Variants in GPM6A observed in about 807,000 individuals in gnomAD.
The protein encoded by GPM6A is neuronal membrane glycoprotein M6-a.
In GPM6A, 7 loss-of-function variants were observed where a neutral mutation model predicts 32.1. The ratio of observed to expected loss-of-function variants is 0.22; its 90% CI spans 0.12 to 0.41. The LOEUF (loss-of-function observed/expected upper bound fraction) is 0.41, where lower values mean the gene tolerates loss of function less well. Among genes scored for constraint, GPM6A ranks in the 10% least tolerant of loss-of-function variants. The pLI is 1.00. For synonymous variants in GPM6A, 130 were observed against 123.4 expected (o/e 1.05, Z -0.35); for missense variants, 235 against 347.2 (o/e 0.68, Z 2.57).
chr4:175,923,906 C>A (rs1738749959), intron 1 of GPM6A, among the ~76,000 whole-genome samples: 1 of 152,152 alleles, frequency 6.6e-6, no homozygotes, highest in Admixed American at 6.5e-5. Context: ...CCTCAGCCAT[C>A]TTGATATCAT....
At chr4:175,734,426 A>C (rs1416179785) in intron 1 of GPM6A, among the ~76,000 whole-genome samples, 1 of 152,138 alleles carries the variant, frequency 6.6e-6, no homozygotes, top group Non-Finnish European at 1.5e-5. Flanking sequence ...GATTGGCCAC[A>C]ATGAGTAGTG....
intron 1 of GPM6A, among the ~76,000 whole-genome samples, chr4:175,977,554 A>C (rs1171904357): frequency 6.6e-6 from 1 of 152,228 alleles, no homozygotes; most frequent in African/African-American, 2.4e-5. Flanking sequence ...AAATAGTAAT[A>C]CATTATTTGA....
intron 1 of GPM6A, among the ~76,000 whole-genome samples, chr4:175,931,705 CACACAT>C (rs999998093): frequency 1.8e-4 from 25 of 139,244 alleles, no homozygotes; most frequent in African/African-American, 5.4e-4. Context: ...CACACACACA[CACACAT>C]ATATATATAT....
At position 175,979,384 on chromosome 4, in the gene GPM6A, C is replaced by T. The variant is rs118073506; in HGVS notation, c.-23+22925G>A. ...TTATTCCGTTCTTAAGTTCAGCAGC[C>T]TATTACTAAAGCAGAGTCAAAAGTA... On this transcript the variant is annotated intron_variant, in intron 1 of 7. Coordinates refer to the GPM6A transcript ENST00000280187. Among the ~76,000 whole-genome samples, 51 of 152,268 alleles carry T rather than the reference C, an allele frequency of 3.3e-4. No homozygotes were observed. In the East Asian group the frequency reaches 9.4e-3, roughly 28 times the overall value.
intron 1 of GPM6A, among the ~76,000 whole-genome samples, chr4:175,914,738 G>C (rs1738434652): frequency 6.9e-6 from 1 of 145,022 alleles, no homozygotes. Flanking sequence ...TTGTCAGAGC[G>C]AGGGGGGGCC....
intron 1 of GPM6A, among the ~76,000 whole-genome samples, chr4:175,938,579 C>A (rs886142723): frequency 1.3e-5 from 2 of 152,048 alleles, no homozygotes; most frequent in African/African-American, 4.8e-5. Flanking sequence ...ATATCCTTCA[C>A]CCACTTTTTG....
chr4:175,707,895 T>C (rs1310872560), intron 1 of GPM6A, among the ~76,000 whole-genome samples: 1 of 152,212 alleles, frequency 6.6e-6, no homozygotes, highest in African/African-American at 2.4e-5. Context: ...TTTTTTTTCT[T>C]CTTTTTATCT....
intron 1 of GPM6A, among the ~76,000 whole-genome samples, chr4:175,947,246 T>G (rs1185695721): frequency 6.6e-6 from 1 of 151,986 alleles, no homozygotes; most frequent in East Asian, 1.9e-4. Context: ...CGTTTTTCAA[T>G]TCTTATGTGT....
intron 1 of GPM6A, among the ~76,000 whole-genome samples, chr4:175,980,921 G>A (rs572903000): frequency 7.4e-4 from 112 of 152,126 alleles, no homozygotes; most frequent in South Asian, 2.1e-4. Context: ...ATGCATAATC[G>A]TTGGCTAAAT....
intron 1 of GPM6A, among the ~76,000 whole-genome samples, chr4:175,775,903 A>T (rs62336048): frequency 0.12 from 18,736 of 152,156 alleles, 1,175 homozygotes; most frequent in Non-Finnish European, 0.14. Flanking sequence ...AAAGCACAAA[A>T]GGGGAGGTTA....
chr4:175,766,986 C>A (rs1732997573), intron 1 of GPM6A, among the ~76,000 whole-genome samples: 1 of 152,040 alleles, frequency 6.6e-6, no homozygotes, highest in African/African-American at 2.4e-5. Context: ...AGTTTCCCCT[C>A]TAATCATAAA....
At chr4:175,942,880 T>A (rs920489572) in intron 1 of GPM6A, among the ~76,000 whole-genome samples, 2 of 152,292 alleles carry the variant, frequency 1.3e-5, no homozygotes, top group Admixed American at 1.3e-4. Flanking sequence ...TTGTACTATA[T>A]GAAATTTAAA....
intron 1 of GPM6A, among the ~76,000 whole-genome samples, chr4:175,958,359 G>A (rs1160517396): frequency 6.6e-6 from 1 of 152,184 alleles, no homozygotes; most frequent in Non-Finnish European, 1.5e-5. Flanking sequence ...GGAAACCACT[G>A]TTGATTCAGA....
intron 1 of GPM6A, among the ~76,000 whole-genome samples, chr4:175,921,366 G>A (rs1210347278): frequency 1.3e-5 from 2 of 151,940 alleles, no homozygotes; most frequent in African/African-American, 2.4e-5. Flanking sequence ...CACTCTGTAT[G>A]CACTTTTTCC....
chr4:175,684,850 T>C (rs532815465), intron 2 of GPM6A, among the ~76,000 whole-genome samples: 2 of 151,534 alleles, frequency 1.3e-5, no homozygotes, highest in Admixed American at 1.3e-4. Context: ...TCTTAACTAT[T>C]TGTGTGTGTG....
chr4:175,938,402 G>T (rs541924104), intron 1 of GPM6A, among the ~76,000 whole-genome samples: 30 of 152,176 alleles, frequency 2.0e-4, no homozygotes, highest in Non-Finnish European at 3.2e-4. Context: ...CTCCACAGCC[G>T]CGCCAGCATC....
intron 1 of GPM6A, among the ~76,000 whole-genome samples, chr4:175,977,002 T>C (rs1347947452): frequency 3.3e-5 from 5 of 152,230 alleles, no homozygotes; most frequent in African/African-American, 1.2e-4. Flanking sequence ...ACTATCCAGA[T>C]CTTTAAAATT....
intron 1 of GPM6A, among the ~76,000 whole-genome samples, chr4:175,728,556 T>C (rs1232894969): frequency 6.6e-6 from 1 of 152,214 alleles, no homozygotes; most frequent in East Asian, 1.9e-4. Flanking sequence ...TTCCTAGCTG[T>C]GGTGCAGAGG....
chr4:175,812,303 T>TTTTG, upstream of GPM6A: 1 of 953,814 alleles, frequency 1.0e-6, no homozygotes. Context: ...AACTGGGGGT[T>TTTTG]TTTTTTTTTT....
Sources: gnomAD v4.1 joint callset for allele counts (sites outside exome capture counted in the v4.1 genomes callset) on GRCh38, gnomAD v4.1.1 for gene constraint, MANE v1.5 for transcripts, NCBI Gene and HGNC (gene_info 2026-07-23, HGNC 2026-07-21) for gene names.